Variants in LARGE1 observed in about 807,000 individuals in gnomAD.
LARGE1 encodes xylosyl- and glucuronyltransferase LARGE1.
In LARGE1, 43 loss-of-function variants were observed where a neutral mutation model predicts 87.6. That is an observed-to-expected ratio of 0.49 (90% CI 0.38 to 0.63). The LOEUF (loss-of-function observed/expected upper bound fraction) is 0.63, where lower values mean the gene tolerates loss of function less well. LARGE1 is among the 30% of genes least tolerant of loss of function. The probability of loss-of-function intolerance (pLI) is 0.00; values close to 1 mark genes in which losing one functional copy is unlikely to be tolerated. For synonymous variants in LARGE1, 434 were observed against 394.6 expected (o/e 1.10, Z -1.18); for missense variants, 802 against 1,000.2 (o/e 0.80, Z 2.67).
intron 1 of LARGE1, among the ~76,000 whole-genome samples, chr22:33,786,013 A>T (rs982009060): frequency 6.6e-6 from 1 of 152,234 alleles, no homozygotes; most frequent in African/African-American, 2.4e-5. Flanking sequence ...CACAGGCAGC[A>T]CTAAATTGCC....
intron 2 of LARGE1, chr22:33,743,942 A>G (rs1225534587): frequency 3.3e-5 from 5 of 152,178 alleles, no homozygotes; most frequent in Admixed American, 6.6e-5. Context: ...TTCACATACC[A>G]GCTGAGTGAC....
chr22:33,318,244 A>AAAAAAAG (rs1936370265), intron 10 of LARGE1, among the ~76,000 whole-genome samples: 1 of 151,204 alleles, frequency 6.6e-6, no homozygotes, highest in Admixed American at 6.6e-5. Context: ...CAAAAAAAAA[A>AAAAAAAG]AAAAAGAATG....
rs556793521 is a variant in LARGE1 at position 33,231,747 on chromosome 22, C to T, written c.1731-64915G>A. On this transcript the variant is annotated intron_variant, in intron 11 of 11. Transcript: ENST00000608642. The stretch of plus-strand genomic sequence containing the variant: ...CTATCACTCACTCCATTAATTCCAC[C>T]GCTTGTACAATCCAAGTCTCCTGGC... 5.9e-5 allele frequency among the ~76,000 whole-genome samples: 9 copies of T among 152,276 alleles called. No homozygotes were observed. The East Asian group carries it at 7.7e-4, about 13-fold the overall frequency.
intron 9 of LARGE1, among the ~76,000 whole-genome samples, chr22:33,360,706 C>G (rs985188743): frequency 2.0e-5 from 3 of 149,610 alleles, no homozygotes; most frequent in African/African-American, 7.4e-5. Flanking sequence ...TAAACCGTAT[C>G]AAGGTCATTA....
intron 11 of LARGE1, among the ~76,000 whole-genome samples, chr22:33,313,393 C>T (rs1356935597): frequency 6.6e-6 from 1 of 152,208 alleles, no homozygotes; most frequent in Non-Finnish European, 1.5e-5. Flanking sequence ...TCCTGCACGA[C>T]ACTCAGAACT....
intron 11 of LARGE1, among the ~76,000 whole-genome samples, chr22:33,199,013 T>C (rs1162587495): frequency 6.6e-6 from 1 of 152,216 alleles, no homozygotes; most frequent in African/African-American, 2.4e-5. Context: ...ATGTTGTTTT[T>C]TGACTTTCTG....
chr22:33,609,607 T>C (rs920690469), intron 4 of LARGE1, among the ~76,000 whole-genome samples: 5 of 152,194 alleles, frequency 3.3e-5, no homozygotes, highest in African/African-American at 9.7e-5. Flanking sequence ...TCCACTGACA[T>C]ATGGATTTTT....
intron 7 of LARGE1, among the ~76,000 whole-genome samples, chr22:33,404,008 C>T (rs2066010859): frequency 6.6e-6 from 1 of 152,188 alleles, no homozygotes; most frequent in Non-Finnish European, 1.5e-5. Flanking sequence ...TGTACCAGAA[C>T]CCATCTGAAA....
intron 1 of LARGE1, among the ~76,000 whole-genome samples, chr22:33,807,995 T>C (rs2086368477): frequency 6.6e-6 from 1 of 152,224 alleles, no homozygotes; most frequent in African/African-American, 2.4e-5. Flanking sequence ...TGGACGTAAG[T>C]TTTCAGCTCC....
chr22:33,209,327 C>A (rs754619882), intron 11 of LARGE1, among the ~76,000 whole-genome samples: 1 of 152,166 alleles, frequency 6.6e-6, no homozygotes, highest in Non-Finnish European at 1.5e-5. Context: ...GTAGCAGATG[C>A]GATCTATGGT....
At chr22:33,314,553 A>C (rs1490378524) in intron 11 of LARGE1, among the ~76,000 whole-genome samples, 5 of 152,152 alleles carry the variant, frequency 3.3e-5, no homozygotes, top group Non-Finnish European at 7.4e-5. Flanking sequence ...CCTGGTATTT[A>C]TGGAACACTT....
At chr22:33,315,374 G>A (rs532317734) in intron 11 of LARGE1, among the ~76,000 whole-genome samples, 5 of 152,156 alleles carry the variant, frequency 3.3e-5, no homozygotes, top group Non-Finnish European at 5.9e-5. Flanking sequence ...GCTCATGTCC[G>A]TACTGCCTGG....
chr22:33,763,803 T>C (rs1855277129), intron 1 of LARGE1, among the ~76,000 whole-genome samples: 1 of 151,584 alleles, frequency 6.6e-6, no homozygotes, highest in Non-Finnish European at 1.5e-5. Context: ...AATCCTTCCT[T>C]CCTGGAGGGC....
chr22:33,579,579 C>A (rs559769390), intron 5 of LARGE1, among the ~76,000 whole-genome samples: 26 of 152,238 alleles, frequency 1.7e-4, no homozygotes, highest in Admixed American at 1.2e-3. Flanking sequence ...CTGCTGCAGC[C>A]CCAGCCCAGG....
chr22:33,373,155 C>T (rs963657941), intron 9 of LARGE1, among the ~76,000 whole-genome samples: 6 of 152,026 alleles, frequency 3.9e-5, no homozygotes, highest in African/African-American at 1.4e-4. Flanking sequence ...ATCAAGTTGC[C>T]TGTAATTAGA....
At chr22:33,101,963 T>A in the LARGE1 span, among the ~76,000 whole-genome samples, 1 of 152,202 alleles carries the variant, frequency 6.6e-6, no homozygotes, top group Non-Finnish European at 1.5e-5. Context: ...TTCCTTTCAA[T>A]TTCCTTTCTC....
At chr22:33,837,315 C>A (rs1335458230) in intron 1 of LARGE1, among the ~76,000 whole-genome samples, 1 of 150,372 alleles carries the variant, frequency 6.7e-6, no homozygotes, top group Non-Finnish European at 1.5e-5. Context: ...CATATGGATA[C>A]GAACAGGATA....
chr22:33,227,093 AC>A (rs1693204242), intron 11 of LARGE1, among the ~76,000 whole-genome samples: 1 of 152,192 alleles, frequency 6.6e-6, no homozygotes, highest in African/African-American at 2.4e-5. Flanking sequence ...TTACATAAAC[AC>A]CTTCTAAGTG....
intron 9 of LARGE1, among the ~76,000 whole-genome samples, chr22:33,344,326 G>A (rs1035636589): frequency 2.6e-5 from 4 of 152,180 alleles, no homozygotes; most frequent in African/African-American, 9.7e-5. Context: ...TCTGGGGGCT[G>A]TGAATGCAGA....
Sources: allele counts gnomAD v4.1 joint callset (sites outside exome capture counted in the v4.1 genomes callset), GRCh38; gene constraint gnomAD v4.1.1; transcripts MANE v1.5; gene names NCBI Gene and HGNC (gene_info 2026-07-23, HGNC 2026-07-21).